RASGRP1: variants seen among roughly 807,000 people sequenced by gnomAD.
The protein encoded by RASGRP1 is RAS guanyl releasing protein 1, also known as RAS guanyl-releasing protein 1.
In RASGRP1, 37 loss-of-function variants were observed where a neutral mutation model predicts 95.1. The observed-to-expected ratio is 0.39, with a 90% CI of 0.30 to 0.51. The LOEUF (loss-of-function observed/expected upper bound fraction) is 0.51. RASGRP1 is among the 20% of genes least tolerant of loss of function. RASGRP1 has a pLI of 0.80. For missense variants in RASGRP1, 711 were observed against 965.4 expected, an observed-to-expected ratio of 0.74 and a Z score of 3.49; for synonymous variants, 325 against 353.4, an observed-to-expected ratio of 0.92 and a Z score of 0.90.
Position 38,503,202 on chromosome 15 carries a change from C to T in RASGRP1, c.1428+70G>A. ...ATTTCCACCATTGTGCTTTCCTCTC[C>T]CTTTACCCCACATACAAAACTGAGC... On this transcript the variant is annotated intron_variant, in intron 11 of 16. Coordinates refer to ENST00000310803, the MANE Select transcript of RASGRP1 (RefSeq NM_005739.4). The T allele has an allele frequency of 2.4e-6, 3 of 1,262,374 alleles. 1 individual carries two copies. In the South Asian group the frequency reaches 3.8e-5, roughly 16 times the overall value. 78.2% of individuals were successfully genotyped at this position (1,262,374 alleles called of 1,614,324 possible). A position where few individuals can be genotyped will look rare whatever the true frequency, so the allele number is the denominator to read the frequency against.
At chr15:38,520,354 T>C (rs1279399626) in intron 3 of RASGRP1, among the ~76,000 whole-genome samples, 1 of 152,222 alleles carries the variant, frequency 6.6e-6, no homozygotes, top group Non-Finnish European at 1.5e-5. Context: ...GGGACAGGAC[T>C]GGTCTTCCTT....
rs1188042425 is a variant in RASGRP1 at position 38,511,732 on chromosome 15, A to G, written c.850-12T>C. On this transcript the variant is annotated splice_polypyrimidine_tract_variant and intron_variant, in intron 7 of 16. Transcript: ENST00000310803. ...AGTTGGTGGAGCTTCTGTGACACAG[A>G]AGACAGATGACAGCAGAGTCACTGT... The G allele has an allele frequency of 6.3e-7, 1 of 1,596,376 alleles. No homozygotes were observed. The highest frequency in any genetic ancestry group is 1.1e-5 in the South Asian group (1 of 90,772).
chr15:38,524,167 C>T (rs968742636), intron 3 of RASGRP1: 3 of 152,108 alleles, frequency 2.0e-5, no homozygotes, highest in African/African-American at 7.3e-5. Context: ...GGGAGGATGA[C>T]TTGATGCCAG....
intron 2 of RASGRP1, among the ~76,000 whole-genome samples, chr15:38,529,159 C>T (rs1892343682): frequency 1.3e-5 from 2 of 152,184 alleles, no homozygotes; most frequent in South Asian, 4.2e-4. Context: ...CTTAATCGAC[C>T]TCCTTGCTTC....
chr15:38,554,084 G>T (rs1054753559), intron 2 of RASGRP1, among the ~76,000 whole-genome samples: 1 of 152,164 alleles, frequency 6.6e-6, no homozygotes, highest in Non-Finnish European at 1.5e-5. Context: ...TGACTGTGAG[G>T]AATTTGAATG....
At chr15:38,561,733 G>GA (rs762337368) in intron 1 of RASGRP1, among the ~76,000 whole-genome samples, 3 of 152,208 alleles carry the variant, frequency 2.0e-5, no homozygotes, top group South Asian at 2.1e-4. Context: ...CAGGTCCAGT[G>GA]AAACTGAATC....
chr15:38,505,753 T>C (rs1891230752), intron 10 of RASGRP1, 87 bp downstream of exon 10: 13 of 1,078,008 alleles, frequency 1.2e-5, no homozygotes, highest in Non-Finnish European at 1.7e-5. Context: ...TAAACTGAAC[T>C]GAAAGTCTGT....
At chr15:38,512,253 C>T (rs1004376469) in intron 7 of RASGRP1, among the ~76,000 whole-genome samples, 2 of 152,146 alleles carry the variant, frequency 1.3e-5, no homozygotes, top group Non-Finnish European at 2.9e-5. Flanking sequence ...CTTATTTTCC[C>T]ATGCAATGCC....
At chr15:38,491,808 G>T (rs532656419) in intron 16 of RASGRP1, among the ~76,000 whole-genome samples, 1 of 152,124 alleles carries the variant, frequency 6.6e-6, no homozygotes, top group Non-Finnish European at 1.5e-5. Flanking sequence ...AAAGAGAGGC[G>T]GTGGTCAAAA....
rs757018691 is a variant in RASGRP1 at position 38,519,345 on chromosome 15, G to A, written c.353C>T (p.Ser118Leu). ...ACAGATCTTCAGGCAAAGTCCTGGT[G>A]AATTCTTTGCCAAAGCATCCTTATA... is the stretch of plus-strand genomic sequence containing the variant. ...TLYKDALAKNSPGLCLKICYF... is the reference protein window; with the variant it reads ...TLYKDALAKNLPGLCLKICYF... The change falls in exon 4 of 17, where the codon TCA becomes TTA. Residue 118 changes from serine (S) to leucine (L), a missense_variant. Physicochemically the swap from Ser to Leu is moderately radical, Grantham distance 145. Transcript: ENST00000310803. 7.8e-6 allele frequency: 12 copies of A among 1,530,756 alleles called. No homozygotes were observed. Among genetic ancestry groups the A allele is most frequent in the African/African-American group, 1.4e-5 (1 of 72,918 alleles). 94.8% of individuals were successfully genotyped at this position (1,530,756 alleles called of 1,614,324 possible). A position where few individuals can be genotyped will look rare whatever the true frequency, so the allele number is the denominator to read the frequency against.
chr15:38,518,506 C>T, intron 4 of RASGRP1, 83 bp from the exon 5 acceptor site: 2 of 1,402,862 alleles, frequency 1.4e-6, no homozygotes, highest in Non-Finnish European at 2.0e-6. Context: ...GAATTTACTG[C>T]CACAAAGAGA....
Position 38,542,908 on chromosome 15 carries a change from CAT to C in RASGRP1, c.221-16506_221-16505del, listed in dbSNP as rs1200975891. 2.2e-4 allele frequency among the ~76,000 whole-genome samples: 30 copies of C among 138,964 alleles called. 1 individual carries two copies. Among genetic ancestry groups the C allele is most frequent in the African/African-American group, 3.9e-4 (15 of 38,118 alleles). The allele number at this position is 138,964 out of a possible 152,430, so 91.2% of individuals were successfully genotyped here. On this transcript the variant is annotated intron_variant, in intron 2 of 16. Coordinates refer to ENST00000310803, the MANE Select transcript of RASGRP1 (RefSeq NM_005739.4). ...ACACATATATGTGTATATATATACA[CAT>C]ATATATGTGTGTATATATATGTGTG...
intron 3 of RASGRP1, among the ~76,000 whole-genome samples, chr15:38,522,579 A>C (rs780024047): frequency 1.3e-5 from 2 of 152,222 alleles, no homozygotes; most frequent in Non-Finnish European, 2.9e-5. Context: ...TACTATTTTA[A>C]AACATTAGAA....
intron 2 of RASGRP1, among the ~76,000 whole-genome samples, chr15:38,542,913 A>G (rs1465977521): frequency 2.6e-5 from 3 of 115,026 alleles, no homozygotes; most frequent in Non-Finnish European, 5.5e-5. Context: ...ATACACATAT[A>G]TATGTGTGTA....
intron 2 of RASGRP1, among the ~76,000 whole-genome samples, chr15:38,556,924 C>A (rs1741139798): frequency 6.6e-6 from 1 of 152,114 alleles, no homozygotes; most frequent in Non-Finnish European, 1.5e-5. Flanking sequence ...CGGTCTGAGG[C>A]AAAAGAGTCC....
At chr15:38,491,446 T>C (rs1890575638) in intron 16 of RASGRP1, among the ~76,000 whole-genome samples, 2 of 152,188 alleles carry the variant, frequency 1.3e-5, no homozygotes, top group Non-Finnish European at 2.9e-5. Flanking sequence ...TGAAAATAGG[T>C]TGTATACCTC....
intron 6 of RASGRP1, among the ~76,000 whole-genome samples, chr15:38,515,086 C>T (rs369738698): frequency 1.8e-4 from 27 of 152,172 alleles, no homozygotes; most frequent in African/African-American, 6.5e-4. Context: ...AACAGAAGGG[C>T]TGTCAATATT....
rs1890425567 is a variant in RASGRP1, at chr15:38,488,172, A to C, written c.*2382T>G. On this transcript the variant is annotated 3_prime_UTR_variant, in exon 17 of 17. Coordinates refer to ENST00000310803, the MANE Select transcript of RASGRP1 (RefSeq NM_005739.4). Reference sequence around the variant, plus strand: ...GAAAACTTACATTAGGTATCAAAAAACTTTACAATCTGTACATTTGTTTTT... The same window carrying C: ...GAAAACTTACATTAGGTATCAAAAACCTTTACAATCTGTACATTTGTTTTT... 1 of 152,168 alleles carries C rather than the reference A, an allele frequency of 6.6e-6. No individual in the cohort carries two copies. The highest frequency in any genetic ancestry group is 2.4e-5 in the African/African-American group (1 of 41,560). The allele number at this position is 152,168 out of a possible 1,614,324, so 9.4% of individuals were successfully genotyped here.
chr15:38,542,842 T>TATACAC (rs201973193), intron 2 of RASGRP1, among the ~76,000 whole-genome samples: 32 of 115,278 alleles, frequency 2.8e-4, no homozygotes, highest in East Asian at 1.9e-3. Flanking sequence ...TGTGTATATA[T>TATACAC]ATATATGTGT....
Sources: allele counts gnomAD v4.1 joint callset (sites outside exome capture counted in the v4.1 genomes callset), GRCh38; gene constraint gnomAD v4.1.1; transcripts MANE v1.5; gene names NCBI Gene and HGNC (gene_info 2026-07-23, HGNC 2026-07-21).